Variants in SAMMSON observed in about 807,000 individuals in gnomAD.
The protein encoded by SAMMSON is survival associated mitochondrial melanoma specific oncogenic non-coding RNA, also known as long intergenic non-protein coding RNA 1212.
chr3:70,161,963 T>C (rs1444305176), intron 4 of SAMMSON, among the ~76,000 whole-genome samples: 1 of 151,854 alleles, frequency 6.6e-6, no homozygotes, highest in Non-Finnish European at 1.5e-5. Context: ...TTATTTTAAT[T>C]TCTAAAGATT....
chr3:70,042,217 A>G (rs1480513841), intron 3 of SAMMSON, among the ~76,000 whole-genome samples: 1 of 152,112 alleles, frequency 6.6e-6, no homozygotes, highest in Non-Finnish European at 1.5e-5. Context: ...GGGAACGCAA[A>G]TCTGGAATTT....
chr3:70,338,530 G>T (rs1702684211), intron 7 of SAMMSON, among the ~76,000 whole-genome samples: 1 of 152,138 alleles, frequency 6.6e-6, no homozygotes, highest in Admixed American at 6.6e-5. Context: ...ATCTCCTTAA[G>T]CTCATAAGCA....
intron 7 of SAMMSON, among the ~76,000 whole-genome samples, chr3:70,342,689 A>G (rs139045887): frequency 2.6e-3 from 401 of 152,316 alleles, no homozygotes; most frequent in Middle Eastern, 0.014. Flanking sequence ...TTCCAGAAAC[A>G]TCATCTTTTG....
chr3:70,404,744 C>T (rs764182475), intron 2 of SAMMSON, among the ~76,000 whole-genome samples: 1 of 152,160 alleles, frequency 6.6e-6, no homozygotes, highest in Non-Finnish European at 1.5e-5. Context: ...AGCCCTACGA[C>T]TGCCCTGGGT....
At chr3:70,053,453 C>T (rs2067153789) in intron 3 of SAMMSON, among the ~76,000 whole-genome samples, 1 of 152,142 alleles carries the variant, frequency 6.6e-6, no homozygotes, top group South Asian at 2.1e-4. Flanking sequence ...CAAGGCATTC[C>T]CCTGTTAAAG....
At chr3:70,432,494 A>G (rs972732579) in intron 2 of SAMMSON, among the ~76,000 whole-genome samples, 5 of 151,868 alleles carry the variant, frequency 3.3e-5, no homozygotes, top group African/African-American at 1.2e-4. Context: ...AATAAACTAT[A>G]TTTTCATAGC....
At chr3:70,155,461 C>T (rs2067588180) in intron 4 of SAMMSON, among the ~76,000 whole-genome samples, 1 of 151,966 alleles carries the variant, frequency 6.6e-6, no homozygotes, top group Non-Finnish European at 1.5e-5. Context: ...TAGGTCATTC[C>T]TATTGTGAGC....
chr3:70,169,651 T>TC (rs922144255), intron 4 of SAMMSON, among the ~76,000 whole-genome samples: 1 of 150,542 alleles, frequency 6.6e-6, no homozygotes, highest in South Asian at 2.1e-4. Context: ...TTTTCTTTTT[T>TC]TTTTTTTCCT....
intron 4 of SAMMSON, among the ~76,000 whole-genome samples, chr3:70,142,243 C>T (rs1374299404): frequency 6.6e-6 from 1 of 152,126 alleles, no homozygotes; most frequent in South Asian, 2.1e-4. Context: ...ATATTTATAG[C>T]AGCACAATTC....
intron 2 of SAMMSON, among the ~76,000 whole-genome samples, chr3:70,395,614 G>A (rs1259114758): frequency 2.0e-5 from 3 of 152,062 alleles, no homozygotes; most frequent in Non-Finnish European, 2.9e-5. Flanking sequence ...AGGGCTTGTT[G>A]TAAACTTTTT....
At chr3:70,241,245 G>A (rs1401275944) in intron 4 of SAMMSON, among the ~76,000 whole-genome samples, 1 of 152,132 alleles carries the variant, frequency 6.6e-6, no homozygotes, top group Admixed American at 6.6e-5. Context: ...CTCTTTAGAG[G>A]TGTGTCTTTA....
intron 4 of SAMMSON, among the ~76,000 whole-genome samples, chr3:70,188,585 A>G (rs1041655197): frequency 1.3e-5 from 2 of 152,206 alleles, no homozygotes; most frequent in African/African-American, 4.8e-5. Context: ...ATGATGTGGG[A>G]TAGTGCAGAA....
intron 7 of SAMMSON, among the ~76,000 whole-genome samples, chr3:70,323,446 C>A (rs1702552004): frequency 6.6e-6 from 1 of 152,146 alleles, no homozygotes; most frequent in African/African-American, 2.4e-5. Flanking sequence ...CTTTGCAAAC[C>A]TTACCTAAGT....
chr3:70,243,360 T>C (rs1200960728), intron 4 of SAMMSON, among the ~76,000 whole-genome samples: 1 of 152,216 alleles, frequency 6.6e-6, no homozygotes, highest in Non-Finnish European at 1.5e-5. Context: ...GGCTCAACTG[T>C]TCCTGGGGTC....
chr3:70,063,692 G>T (rs1697443181), intron 3 of SAMMSON, among the ~76,000 whole-genome samples: 1 of 152,062 alleles, frequency 6.6e-6, no homozygotes, highest in African/African-American at 2.4e-5. Context: ...TCCTTTCTGT[G>T]AATCAAATCC....
chr3:70,081,021 A>G (rs1266976774), intron 4 of SAMMSON, among the ~76,000 whole-genome samples: 3 of 152,210 alleles, frequency 2.0e-5, no homozygotes, highest in South Asian at 2.1e-4. Context: ...ATTGATAGGT[A>G]TTCCCAGATA....
intron 3 of SAMMSON, among the ~76,000 whole-genome samples, chr3:70,046,590 T>G (rs1422459323): frequency 1.3e-5 from 2 of 152,150 alleles, no homozygotes; most frequent in Non-Finnish European, 2.9e-5. Context: ...TTTTTATTAC[T>G]TGGAAGCCTG....
intron 9 of SAMMSON, among the ~76,000 whole-genome samples, chr3:70,363,206 A>G (rs996723554): frequency 6.6e-6 from 1 of 152,124 alleles, no homozygotes; most frequent in African/African-American, 2.4e-5. Context: ...ATATACAGCA[A>G]ACCCACAGCT....
At chr3:70,284,804 T>C (rs2106685634) in intron 6 of SAMMSON, among the ~76,000 whole-genome samples, 1 of 152,136 alleles carries the variant, frequency 6.6e-6, no homozygotes, top group African/African-American at 2.4e-5. Flanking sequence ...GTACTAGTCT[T>C]AAAACCTGGG....
Sources: gnomAD v4.1 joint callset for allele counts (sites outside exome capture counted in the v4.1 genomes callset) on GRCh38, gnomAD v4.1.1 for gene constraint, MANE v1.5 for transcripts, NCBI Gene and HGNC (gene_info 2026-07-23, HGNC 2026-07-21) for gene names.